The following ELAPOR2 variants were observed in gnomAD, a reference collection of about 807,000 sequenced individuals.
ELAPOR2 encodes endosome-lysosome associated apoptosis and autophagy regulator family member 2, also known as endosome/lysosome-associated apoptosis and autophagy regulator family member 2.
ELAPOR2 carries 89 observed loss-of-function variants against 120.7 expected under a neutral mutation model. The observed-to-expected ratio is 0.74, with a 90% confidence interval of 0.62 to 0.88. The LOEUF (loss-of-function observed/expected upper bound fraction) is 0.88, where lower values mean the gene tolerates loss of function less well. Ranked by LOEUF, ELAPOR2 falls within the 40% of genes least tolerant of loss-of-function variation. The pLI is 0.00. For synonymous variants in ELAPOR2, 444 were observed against 444.9 expected (o/e 1.00, Z 0.03); for missense variants, 1,134 against 1,251.6 (o/e 0.91, Z 1.42).
intron 1 of ELAPOR2, among the ~76,000 whole-genome samples, chr7:86,973,733 G>A (rs990553318): frequency 1.3e-5 from 2 of 152,118 alleles, no homozygotes; most frequent in Non-Finnish European, 2.9e-5. Flanking sequence ...AGTCATGTTA[G>A]CAGAGTATGA....
At chr7:87,007,304 C>T (rs1046101935) in intron 1 of ELAPOR2, among the ~76,000 whole-genome samples, 8 of 152,102 alleles carry the variant, frequency 5.3e-5, no homozygotes, top group Non-Finnish European at 8.8e-5. Context: ...TAGACTTGAG[C>T]AAATGAGTAT....
chr7:87,044,629 T>G (rs144212602), intron 1 of ELAPOR2, among the ~76,000 whole-genome samples: 282 of 150,730 alleles, frequency 1.9e-3, no homozygotes, highest in African/African-American at 6.7e-3. Flanking sequence ...AAGACTTAAA[T>G]GTTGGACCTA....
intron 21 of ELAPOR2, among the ~76,000 whole-genome samples, chr7:86,883,356 C>G (rs1799512397): frequency 6.6e-6 from 1 of 152,030 alleles, no homozygotes; most frequent in Admixed American, 6.6e-5. Context: ...CCCTATATGA[C>G]ATAATAGTTA....
chr7:86,913,255 C>A, intron 13 of ELAPOR2, 51 bp from the exon 14 acceptor site: 1 of 1,571,694 alleles, frequency 6.4e-7, no homozygotes, highest in Non-Finnish European at 8.7e-7. Context: ...CTTAGTTGTA[C>A]AACCAGATTA....
At chr7:86,887,537 A>G (rs1447322687) in intron 21 of ELAPOR2, among the ~76,000 whole-genome samples, 3 of 152,082 alleles carry the variant, frequency 2.0e-5, no homozygotes, top group Admixed American at 6.6e-5. Flanking sequence ...TACATTGTGA[A>G]CCTTGAAACA....
Position 86,925,518 on chromosome 7 carries a change from T to G in ELAPOR2, c.1399+10A>C. On this transcript the variant is annotated intron_variant, in intron 10 of 21. Coordinates refer to ENST00000450689, the MANE Select transcript of ELAPOR2 (RefSeq NM_001142749.3). ...CTGAAATACATCAAGTAGGCTGATT[T>G]TGAACTTACCATTCATTCCATCGCA... 6.2e-7 allele frequency: 1 copy of G among 1,610,910 alleles called. No individual in the cohort carries two copies.
intron 1 of ELAPOR2, among the ~76,000 whole-genome samples, chr7:86,974,124 C>T (rs182988747): frequency 2.9e-4 from 44 of 152,044 alleles, no homozygotes; most frequent in African/African-American, 8.7e-4. Context: ...AAAGCAAAAT[C>T]CTTGGAAACC....
chr7:87,007,777 G>A (rs1793530288), intron 1 of ELAPOR2, among the ~76,000 whole-genome samples: 2 of 152,168 alleles, frequency 1.3e-5, no homozygotes, highest in Admixed American at 6.5e-5. Flanking sequence ...CTAGCTCGAT[G>A]GGGCTTCCAA....
intron 1 of ELAPOR2, among the ~76,000 whole-genome samples, chr7:87,033,869 T>G (rs1025324717): frequency 6.6e-6 from 1 of 152,058 alleles, no homozygotes; most frequent in African/African-American, 2.4e-5. Context: ...AAACAATAGC[T>G]TATAAATTTT....
intron 5 of ELAPOR2, among the ~76,000 whole-genome samples, chr7:86,941,742 G>T (rs1790803719): frequency 6.6e-6 from 1 of 151,828 alleles, no homozygotes; most frequent in Non-Finnish European, 1.5e-5. Flanking sequence ...AGGAAAATTA[G>T]ACTACAATGG....
At chr7:86,995,755 G>A (rs1634996) in intron 1 of ELAPOR2, among the ~76,000 whole-genome samples, 11,401 of 152,188 alleles carry the variant, frequency 0.075, 474 homozygotes, top group Admixed American at 0.11. Context: ...TAGGAGAGGA[G>A]TCATTAAAAG....
intron 1 of ELAPOR2, among the ~76,000 whole-genome samples, chr7:86,974,110 G>C (rs1240087843): frequency 6.6e-6 from 1 of 151,694 alleles, no homozygotes; most frequent in Non-Finnish European, 1.5e-5. Context: ...TTTCCAAAAA[G>C]GGAAAAGCAA....
chr7:87,014,485 A>C (rs1483377661), intron 1 of ELAPOR2, among the ~76,000 whole-genome samples: 1 of 152,222 alleles, frequency 6.6e-6, no homozygotes, highest in Non-Finnish European at 1.5e-5. Flanking sequence ...AATACGAAGC[A>C]GAATGTAATG....
intron 9 of ELAPOR2, 105 bp from the exon 10 acceptor site, chr7:86,925,761 T>C (rs1309443902): frequency 2.8e-6 from 3 of 1,079,994 alleles, no homozygotes; most frequent in Non-Finnish European, 4.1e-6. Flanking sequence ...GGGAGAGAAG[T>C]GGAAAAAAAA....
intron 2 of ELAPOR2, among the ~76,000 whole-genome samples, chr7:86,951,201 GC>G (rs1164697241): frequency 1.3e-5 from 2 of 152,140 alleles, no homozygotes; most frequent in Non-Finnish European, 2.9e-5. Flanking sequence ...GTCTATGGCT[GC>G]TTTCACACCA....
chr7:86,909,808 T>C lies in ELAPOR2; in HGVS notation c.2359+4A>G. On this transcript the variant is annotated splice_donor_region_variant and intron_variant, in intron 16 of 21. Transcript: ENST00000450689. ...CATGCATATATGAACCAAAGGAAGC[T>C]TACCTATGAATGTATCTGCCAGAAT... 1 of 1,601,726 alleles carries C rather than the reference T, an allele frequency of 6.2e-7. No homozygotes were observed. The highest frequency in any genetic ancestry group is 8.5e-7 in the Non-Finnish European group (1 of 1,174,156).
At chr7:87,027,414 G>A (rs1794280499) in intron 1 of ELAPOR2, among the ~76,000 whole-genome samples, 1 of 152,118 alleles carries the variant, frequency 6.6e-6, no homozygotes, top group Non-Finnish European at 1.5e-5. Context: ...AAAATTTTAA[G>A]TGTCATTAGA....
At chr7:87,058,377 G>T (rs1310633374) in intron 1 of ELAPOR2, among the ~76,000 whole-genome samples, 1 of 152,156 alleles carries the variant, frequency 6.6e-6, no homozygotes, top group African/African-American at 2.4e-5. Context: ...CCTAAAAACA[G>T]TATCTATTCC....
chr7:87,010,378 T>C (rs752898437), intron 1 of ELAPOR2, among the ~76,000 whole-genome samples: 4 of 152,206 alleles, frequency 2.6e-5, no homozygotes, highest in Non-Finnish European at 4.4e-5. Flanking sequence ...ATGTCTTTCA[T>C]CAGTGTTCAT....
Sources: allele counts gnomAD v4.1 joint callset (sites outside exome capture counted in the v4.1 genomes callset), GRCh38; gene constraint gnomAD v4.1.1; transcripts MANE v1.5; gene names NCBI Gene and HGNC (gene_info 2026-07-23, HGNC 2026-07-21).